Variants in FABP1 observed in about 807,000 individuals in gnomAD.
FABP1 encodes the protein fatty acid-binding protein, liver.
A neutral mutation model predicts 13.7 loss-of-function variants in FABP1; 13 were observed. The ratio of observed to expected loss-of-function variants is 0.95; its 90% confidence interval spans 0.62 to 1.51. The LOEUF is 1.51. FABP1 is among the 40% of genes most tolerant of loss of function. The pLI is 0.00. For missense variants in FABP1, 140 were observed against 155.7 expected (o/e 0.90, Z 0.54); for synonymous variants, 48 against 59.8 (o/e 0.80, Z 0.91).
chr2:88,128,033 C>T lies in FABP1; in HGVS notation c.-16G>A. 1.9e-6 allele frequency: 3 copies of T among 1,613,868 alleles called. No individual in the cohort carries two copies. Among genetic ancestry groups the T allele is most frequent in the Non-Finnish European group, 2.5e-6 (3 of 1,179,736 alleles). On this transcript the variant is annotated 5_prime_UTR_variant, in exon 1 of 4. Transcript: ENST00000295834. ...AGAAACTCATGGTGGCAATAGAGCT[C>T]CCTCTTCACGACTGACCTGCGGCTC...
At chr2:88,124,973 CTTT>C (rs10707485) in intron 2 of FABP1, among the ~76,000 whole-genome samples, 34 of 143,112 alleles carry the variant, frequency 2.4e-4, no homozygotes, top group Non-Finnish European at 1.5e-4. Context: ...ATGTATTCTT[CTTT>C]TTTTTTTTTT....
At position 88,124,589 on chromosome 2, in the gene FABP1, G is replaced by T. The variant is rs113625335; in HGVS notation, c.241-3C>A. On this transcript the variant is annotated splice_region_variant and splice_polypyrimidine_tract_variant and intron_variant, in intron 2 of 3. Coordinates refer to ENST00000295834, the MANE Select transcript of FABP1 (RefSeq NM_001443.3). Reference sequence around the variant, plus strand: ...TCACCTTCCAACTGAACCACTGTCTGCAGGGAACAGAGAGGTGACCTGTGA... The same window carrying T: ...TCACCTTCCAACTGAACCACTGTCTTCAGGGAACAGAGAGGTGACCTGTGA... 6.2e-7 allele frequency: 1 copy of T among 1,608,180 alleles called. No homozygotes were observed. The highest frequency in any genetic ancestry group is 8.5e-7 in the Non-Finnish European group (1 of 1,176,286).
chr2:88,123,153 T>C, intron 3 of FABP1, 49 bp from the exon 4 acceptor site: 1 of 1,509,132 alleles, frequency 6.6e-7, no homozygotes. Flanking sequence ...TGTTGTATTG[T>C]AAAAAACAAA....
intron 2 of FABP1, among the ~76,000 whole-genome samples, chr2:88,125,267 C>T (rs1025605510): frequency 2.0e-5 from 3 of 152,044 alleles, no homozygotes; most frequent in African/African-American, 7.3e-5. Context: ...TGGAAAAGGC[C>T]CATAGTTAAA....
At chr2:88,125,858 T>A (rs1234728979) in intron 2 of FABP1, 1 of 231,754 alleles carries the variant, frequency 4.3e-6, no homozygotes. Context: ...AGAGGACTCT[T>A]AGTGCTAGGA....
intron 2 of FABP1, chr2:88,125,936 ATGGGAG>A (rs1675287895): frequency 2.5e-6 from 1 of 401,590 alleles, no homozygotes; most frequent in African/African-American, 2.0e-5. Flanking sequence ...TATCCTCCAT[ATGGGAG>A]AGCTCAGACT....
intron 2 of FABP1, among the ~76,000 whole-genome samples, chr2:88,124,973 CTTTT>C (rs10707485): frequency 3.5e-5 from 5 of 143,144 alleles, no homozygotes; most frequent in Non-Finnish European, 6.1e-5. Context: ...ATGTATTCTT[CTTTT>C]TTTTTTTTTT....
At chr2:88,125,359 TAA>T (rs957113988) in intron 2 of FABP1, among the ~76,000 whole-genome samples, 27 of 152,048 alleles carry the variant, frequency 1.8e-4, no homozygotes, top group Non-Finnish European at 5.9e-5. Context: ...GAGGCAGAAA[TAA>T]AGAGTGACCA....
In FABP1 at chr2:88,126,675, T is replaced by G. The variant is rs1484881673; in HGVS notation, c.68-327A>C. On this transcript the variant is annotated intron_variant, in intron 1 of 3. Transcript: ENST00000295834. ...TTCCCTCCTCCTTTGATGACTTTGCTCTTGGAGTGTGAGCATTTCATTCCC... is the reference window on the plus strand; with the variant it reads ...TTCCCTCCTCCTTTGATGACTTTGCGCTTGGAGTGTGAGCATTTCATTCCC... 8 of 229,638 alleles carry G rather than the reference T, an allele frequency of 3.5e-5. No individual in the cohort carries two copies. The Admixed American group carries it at 3.7e-4, about 11-fold the overall frequency. The allele number at this position is 229,638 out of a possible 1,614,324, so 14.2% of individuals were successfully genotyped here.
At position 88,123,025 on chromosome 2, in the gene FABP1, CACTA is replaced by C; in HGVS notation, c.*25_*28del. On this transcript the variant is annotated 3_prime_UTR_variant, in exon 4 of 4. Coordinates refer to ENST00000295834, the MANE Select transcript of FABP1 (RefSeq NM_001443.3). Reference sequence around the variant, plus strand: ...TTCACTTTATTACATTAATTTTACACACTAAAATAATATGAAATGCAGACTTGTT... The same window carrying C: ...TTCACTTTATTACATTAATTTTACACAAATAATATGAAATGCAGACTTGTT... 1 of 1,568,886 alleles carries C rather than the reference CACTA, an allele frequency of 6.4e-7. No homozygotes were observed. Among genetic ancestry groups the C allele is most frequent in the East Asian group, 2.2e-5 (1 of 44,548 alleles).
chr2:88,126,086 G>A, intron 2 of FABP1, 90 bp downstream of exon 2: 1 of 1,360,804 alleles, frequency 7.3e-7, no homozygotes, highest in Non-Finnish European at 1.0e-6. Flanking sequence ...GGTATCTGTG[G>A]GTGGAATTGT....
At chr2:88,127,008 T>C (rs996517998) in intron 1 of FABP1, among the ~76,000 whole-genome samples, 2 of 152,114 alleles carry the variant, frequency 1.3e-5, no homozygotes, top group Non-Finnish European at 2.9e-5. Flanking sequence ...GACACAGAGG[T>C]GGTATGGCTT....
At chr2:88,126,155 G>T in intron 2 of FABP1, 21 bp downstream of exon 2, 1 of 1,589,558 alleles carries the variant, frequency 6.3e-7, no homozygotes, top group Non-Finnish European at 8.6e-7. Context: ...AGTTCTGACA[G>T]CAGAAGGGAT....
At chr2:88,123,854 A>T (rs1003881703) in intron 3 of FABP1, 1 of 152,444 alleles carries the variant, frequency 6.6e-6, no homozygotes, top group Non-Finnish European at 1.5e-5. Context: ...TTACTGCAGG[A>T]TAGCTCATCT....
chr2:88,124,563 G>A lies in FABP1; in HGVS notation c.264C>T (p.Asp88=). The change falls in exon 3 of 4, where the codon GAC becomes GAT. Residue 88 remains aspartate (D), a synonymous_variant. Transcript: ENST00000295834. ...TTTTGAAAGTTGTCACCAGTTTATT[G>A]TCACCTTCCAACTGAACCACTGTCT... is the stretch of plus-strand genomic sequence containing the variant. ...KVKTVVQLEG[D]NKLVTTFKNI... 2 of 1,611,214 alleles carry A rather than the reference G, an allele frequency of 1.2e-6. No individual in the cohort carries two copies. The highest frequency in any genetic ancestry group is 1.7e-6 in the Non-Finnish European group (2 of 1,178,722).
chr2:88,127,892 GGTAGA>G lies in FABP1; in HGVS notation c.67+54_67+58del, dbSNP rs1476979304. On this transcript the variant is annotated intron_variant, in intron 1 of 3. Coordinates refer to ENST00000295834, the MANE Select transcript of FABP1 (RefSeq NM_001443.3). ...ATTTGGACCCTAAATAGCCACTGCT[GGTAGA>G]GCTAGACCCTCACTGATGTGACCCA... is the stretch of plus-strand genomic sequence containing the variant. 6 of 1,547,158 alleles carry G rather than the reference GGTAGA, an allele frequency of 3.9e-6. No homozygotes were observed. In the African/African-American group the frequency reaches 6.8e-5, roughly 18 times the overall value.
Position 88,126,320 on chromosome 2 carries a change from C to T in FABP1, c.96G>A (p.Gly32=). The change falls in exon 2 of 4, where the codon GGG becomes GGA. Residue 32 remains glycine, a synonymous_variant. Transcript: ENST00000295834. ...TTTCCGACACCCCCTTGATATCCTT[C>T]CCCTTCTGGATGAGCTCTTCCGGCA... ...IGLPEELIQK[G]KDIKGVSEIV... is the part of the protein sequence containing the mutation. 6.2e-7 allele frequency: 1 copy of T among 1,613,904 alleles called. No homozygotes were observed. Among genetic ancestry groups the T allele is most frequent in the Non-Finnish European group, 8.5e-7 (1 of 1,179,824 alleles).
chr2:88,125,943 A>G (rs1675287991), intron 2 of FABP1: 3 of 412,136 alleles, frequency 7.3e-6, no homozygotes, highest in African/African-American at 3.9e-5. Context: ...CATATGGGAG[A>G]GCTCAGACTT....
intron 2 of FABP1, 176 bp downstream of exon 2, chr2:88,126,000 G>A (rs1654714721): frequency 8.1e-6 from 5 of 617,750 alleles, no homozygotes; most frequent in Non-Finnish European, 1.4e-5. Context: ...GAGGAGAGCA[G>A]CTTCTCTATA....
Sources: allele counts gnomAD v4.1 joint callset (sites outside exome capture counted in the v4.1 genomes callset), GRCh38; gene constraint gnomAD v4.1.1; transcripts MANE v1.5; gene names NCBI Gene and HGNC (gene_info 2026-07-23, HGNC 2026-07-21).